Variants in DCDC1 observed in about 807,000 individuals in gnomAD.
DCDC1 encodes the protein doublecortin domain-containing protein 1.
A neutral mutation model predicts 178.3 loss-of-function variants in DCDC1; 200 were observed. The ratio of observed to expected loss-of-function variants is 1.12; its 90% CI spans 1.00 to 1.26. The LOEUF is 1.26. DCDC1 is among the 50% of genes most tolerant of loss of function. The probability of loss-of-function intolerance (pLI) is 0.00; values close to 1 mark genes in which losing one functional copy is unlikely to be tolerated. For synonymous variants in DCDC1, 690 were observed against 604.8 expected (o/e 1.14, Z -2.07); for missense variants, 1,983 against 1,749.2 (o/e 1.13, Z -2.38).
At chr11:31,304,601 G>T (rs1948333417) in intron 6 of DCDC1, among the ~76,000 whole-genome samples, 1 of 152,012 alleles carries the variant, frequency 6.6e-6, no homozygotes, top group Admixed American at 6.6e-5. Context: ...ATATAAAAGA[G>T]AAATCCTAGC....
At chr11:31,123,274 C>T (rs894990461) in intron 11 of DCDC1, among the ~76,000 whole-genome samples, 3 of 152,156 alleles carry the variant, frequency 2.0e-5, no homozygotes, top group Admixed American at 6.5e-5. Flanking sequence ...CGGTAGCACA[C>T]ACTATTATAT....
intron 9 of DCDC1, among the ~76,000 whole-genome samples, chr11:31,145,426 G>A (rs183170835): frequency 6.6e-6 from 1 of 152,292 alleles, no homozygotes; most frequent in Admixed American, 6.5e-5. Context: ...ACCGGAAGTA[G>A]CCTTATTGGA....
chr11:31,015,896 T>C (rs528152379), intron 20 of DCDC1, among the ~76,000 whole-genome samples: 8 of 152,306 alleles, frequency 5.3e-5, no homozygotes, highest in Admixed American at 2.0e-4. Flanking sequence ...CTAAGATCAC[T>C]AACTGATTAA....
At chr11:31,096,238 C>T (rs190420093) in intron 15 of DCDC1, among the ~76,000 whole-genome samples, 2 of 152,268 alleles carry the variant, frequency 1.3e-5, no homozygotes. Flanking sequence ...ACTTATAGTG[C>T]TTACAGTGCC....
chr11:31,068,990 T>C (rs11031277), intron 18 of DCDC1, among the ~76,000 whole-genome samples: 2,311 of 152,176 alleles, frequency 0.015, 46 homozygotes, highest in African/African-American at 0.053. Flanking sequence ...TAGCTGGGAC[T>C]ACAGGCATAT....
chr11:31,341,846 T>C (rs78631088), intron 1 of DCDC1, among the ~76,000 whole-genome samples: 2 of 71,418 alleles, frequency 2.8e-5, no homozygotes, highest in Admixed American at 1.4e-4. Context: ...CACACACACA[T>C]TTTTTTTGGT....
intron 18 of DCDC1, 27 bp downstream of exon 18, chr11:31,077,837 TA>T (rs1303800072): frequency 2.6e-6 from 2 of 764,250 alleles, no homozygotes; most frequent in Admixed American, 3.4e-5. Flanking sequence ...AACTTAGGCA[TA>T]AAAGCTGTGG....
At chr11:31,261,677 A>G (rs1944794295) in intron 8 of DCDC1, among the ~76,000 whole-genome samples, 1 of 152,058 alleles carries the variant, frequency 6.6e-6, no homozygotes, top group Admixed American at 6.6e-5. Flanking sequence ...GCAACTGTGG[A>G]TGTTAGTATG....
At chr11:31,315,812 G>T (rs1440819679) in intron 3 of DCDC1, among the ~76,000 whole-genome samples, 3 of 66,248 alleles carry the variant, frequency 4.5e-5, no homozygotes, top group African/African-American at 1.9e-4. Flanking sequence ...CCCCTCCCCC[G>T]ACCCCACCAC....
intron 9 of DCDC1, among the ~76,000 whole-genome samples, chr11:31,176,170 C>T (rs1372175679): frequency 6.6e-6 from 1 of 152,060 alleles, no homozygotes; most frequent in Non-Finnish European, 1.5e-5. Flanking sequence ...AATTTATGAT[C>T]TGGGTGAGAA....
At chr11:31,052,301 T>C (rs1955310862) in intron 20 of DCDC1, among the ~76,000 whole-genome samples, 1 of 152,044 alleles carries the variant, frequency 6.6e-6, no homozygotes, top group Non-Finnish European at 1.5e-5. Context: ...CAGGAAAATA[T>C]CACAATCCTC....
At chr11:31,153,785 A>AACACACACACACACACACAT (rs1555088013) in intron 9 of DCDC1, among the ~76,000 whole-genome samples, 2 of 132,612 alleles carry the variant, frequency 1.5e-5, no homozygotes, top group Non-Finnish European at 1.6e-5. Context: ...TCAGTCTTAA[A>AACACACACACACACACACAT]ACACACACAC....
At chr11:30,906,411 T>A in intron 30 of DCDC1, 129 bp downstream of exon 30, 7 of 910,530 alleles carry the variant, frequency 7.7e-6, no homozygotes, top group Non-Finnish European at 9.8e-6. Flanking sequence ...GGTAGAATGG[T>A]AAAGGTGCAT....
At chr11:31,075,715 C>T (rs673696) in intron 18 of DCDC1, among the ~76,000 whole-genome samples, 21,379 of 152,154 alleles carry the variant, frequency 0.14, 1,885 homozygotes, top group East Asian at 0.29. Flanking sequence ...TCACGTCCTT[C>T]GCCCACTTTT....
intron 20 of DCDC1, among the ~76,000 whole-genome samples, chr11:30,982,889 AG>A (rs1456843057): frequency 6.6e-6 from 1 of 152,190 alleles, no homozygotes; most frequent in East Asian, 1.9e-4. Context: ...TGGAAAAGCC[AG>A]GCAAAATTTT....
chr11:31,183,579 C>T (rs1476967677), intron 9 of DCDC1, among the ~76,000 whole-genome samples: 1 of 152,208 alleles, frequency 6.6e-6, no homozygotes, highest in Non-Finnish European at 1.5e-5. Context: ...TAAGCAACTT[C>T]AGCAAAGTCT....
chr11:31,096,000 G>T lies in DCDC1; in HGVS notation c.1984-1816C>A, dbSNP rs150699065. On this transcript the variant is annotated intron_variant, in intron 15 of 38. Transcript: ENST00000684477. The stretch of plus-strand genomic sequence containing the variant: ...CCATTCTACATCTATGCTAATGCTA[G>T]ATATTTGTTGAGTAGCAAATTATTT... 1.6e-3 allele frequency among the ~76,000 whole-genome samples: 246 copies of T among 152,182 alleles called. 3 individuals carry two copies. Among genetic ancestry groups the T allele is most frequent in the African/African-American group, 5.5e-3 (227 of 41,502 alleles).
intron 5 of DCDC1, 82 bp downstream of exon 5, chr11:31,306,150 A>C (rs1428665728): frequency 4.5e-5 from 56 of 1,237,404 alleles, no homozygotes; most frequent in Non-Finnish European, 2.1e-6. Context: ...GAAAATATTA[A>C]CAATAATTTT....
intron 2 of DCDC1, among the ~76,000 whole-genome samples, chr11:31,333,710 A>T (rs1950122745): frequency 6.6e-6 from 1 of 152,196 alleles, no homozygotes; most frequent in Non-Finnish European, 1.5e-5. Flanking sequence ...ATTGGACCCC[A>T]CACTCTTCTG....
Sources: allele counts gnomAD v4.1 joint callset (sites outside exome capture counted in the v4.1 genomes callset), GRCh38; gene constraint gnomAD v4.1.1; transcripts MANE v1.5; gene names NCBI Gene and HGNC (gene_info 2026-07-23, HGNC 2026-07-21).